Variants in SLC26A4 observed in about 807,000 individuals in gnomAD.
SLC26A4 encodes solute carrier family 26 member 4, also known as pendrin.
In SLC26A4, 93 loss-of-function variants were observed where a neutral mutation model predicts 90.4. The observed-to-expected ratio is 1.03, with a 90% confidence interval of 0.87 to 1.22. The LOEUF (loss-of-function observed/expected upper bound fraction) is 1.22. Ranked by LOEUF, SLC26A4 falls within the 50% of genes most tolerant of loss-of-function variation. SLC26A4 has a pLI of 0.00. For missense variants in SLC26A4, 1,127 were observed against 946.2 expected (o/e 1.19, Z -2.51); for synonymous variants, 393 against 354.6 (o/e 1.11, Z -1.22).
chr7:107,691,547 A>ACATATATATATATATATATTCT (rs1380859339), intron 10 of SLC26A4, among the ~76,000 whole-genome samples: 1 of 78,308 alleles, frequency 1.3e-5, no homozygotes, highest in Middle Eastern at 4.9e-3. Flanking sequence ...ACACACACAA[A>ACATATATATATATATATATTCT]CATATATATA....
chr7:107,668,220 G>T (rs750207228), intron 3 of SLC26A4, among the ~76,000 whole-genome samples: 1 of 152,072 alleles, frequency 6.6e-6, no homozygotes, highest in African/African-American at 2.4e-5. Flanking sequence ...AGAAAAGGAA[G>T]GAAAGAGAGA....
intron 13 of SLC26A4, among the ~76,000 whole-genome samples, chr7:107,697,711 G>C (rs1170747431): frequency 6.6e-6 from 1 of 152,202 alleles, no homozygotes; most frequent in South Asian, 2.1e-4. Flanking sequence ...GGATAATACT[G>C]ATGACCTTTC....
chr7:107,661,572 C>T lies in SLC26A4; in HGVS notation c.-3-67C>T, dbSNP rs2129308653. 3 of 1,484,380 alleles carry T rather than the reference C, an allele frequency of 2.0e-6. No individual in the cohort carries two copies. Among genetic ancestry groups the T allele is most frequent in the East Asian group, 4.9e-5 (2 of 40,700 alleles). The allele number at this position is 1,484,380 out of a possible 1,614,324, so 92.0% of individuals were successfully genotyped here. A position where few individuals can be genotyped will look rare whatever the true frequency, so the allele number is the denominator to read the frequency against. ...AGGTGATCCCGTTCTTTCTGTTCCTCGCTCTTCCCCTCCGATCGTCCTCGC... is the reference window on the plus strand; with the variant it reads ...AGGTGATCCCGTTCTTTCTGTTCCTTGCTCTTCCCCTCCGATCGTCCTCGC... On this transcript the variant is annotated intron_variant, in intron 1 of 20. Transcript: ENST00000644269. The surrounding 1 kb of genome is among the most constrained non-coding windows in gnomAD (Gnocchi z 5.1).
At chr7:107,713,700 C>T (rs1223284861) in intron 20 of SLC26A4, among the ~76,000 whole-genome samples, 1 of 152,118 alleles carries the variant, frequency 6.6e-6, no homozygotes, top group Non-Finnish European at 1.5e-5. Context: ...AAATGTGTTT[C>T]CTTTCATAAT....
chr7:107,708,691 TA>T (rs1792098180), intron 18 of SLC26A4, among the ~76,000 whole-genome samples: 1 of 151,522 alleles, frequency 6.6e-6, no homozygotes, highest in Admixed American at 6.6e-5. Context: ...CCGTCTCTAT[TA>T]TTTTTTTTTT....
intron 13 of SLC26A4, 114 bp downstream of exon 13, chr7:107,696,153 T>C: frequency 1.3e-6 from 1 of 769,950 alleles, no homozygotes; most frequent in Admixed American, 1.7e-5. Flanking sequence ...TTACTGTATA[T>C]TGAGTGCTTC....
chr7:107,692,689 A>G (rs1423210981), intron 10 of SLC26A4, among the ~76,000 whole-genome samples: 1 of 152,150 alleles, frequency 6.6e-6, no homozygotes, highest in Non-Finnish European at 1.5e-5. Context: ...CCTCACCCCC[A>G]TCTGACTTCC....
intron 4 of SLC26A4, among the ~76,000 whole-genome samples, chr7:107,672,750 T>A (rs1790909268): frequency 6.6e-6 from 1 of 152,220 alleles, no homozygotes; most frequent in Non-Finnish European, 1.5e-5. Context: ...ACTGGCAAAA[T>A]CTTACCAAAA....
chr7:107,666,761 C>T (rs2701688), intron 3 of SLC26A4, among the ~76,000 whole-genome samples: 43,807 of 151,904 alleles, frequency 0.29, 6,543 homozygotes, highest in Non-Finnish European at 0.32. Flanking sequence ...ATGAAATAAA[C>T]TGAGGCAGGA....
At chr7:107,715,078 A>AG (rs1421489014) in intron 20 of SLC26A4, among the ~76,000 whole-genome samples, 1 of 149,802 alleles carries the variant, frequency 6.7e-6, no homozygotes, top group East Asian at 2.0e-4. Context: ...AAAAAAAAAA[A>AG]AAAAAAATTA....
chr7:107,693,355 A>G (rs1791632071), intron 10 of SLC26A4: 1 of 985,366 alleles, frequency 1.0e-6, no homozygotes, highest in Non-Finnish European at 1.2e-6. Context: ...TGACCCAACT[A>G]TAATCTAAAT....
intron 16 of SLC26A4, 24 bp from the exon 17 acceptor site, chr7:107,701,803 G>A: frequency 7.2e-7 from 1 of 1,390,256 alleles, no homozygotes; most frequent in South Asian, 1.2e-5. Context: ...TGACAATTAA[G>A]TTGACAGTGT....
At chr7:107,682,689 T>TAC (rs1167382007) in intron 6 of SLC26A4, among the ~76,000 whole-genome samples, 1 of 151,576 alleles carries the variant, frequency 6.6e-6, no homozygotes, top group African/African-American at 2.4e-5. Flanking sequence ...TACACACATA[T>TAC]ACACACACAA....
At chr7:107,672,914 T>C (rs1159109012) in intron 4 of SLC26A4, among the ~76,000 whole-genome samples, 1 of 152,218 alleles carries the variant, frequency 6.6e-6, no homozygotes, top group Non-Finnish European at 1.5e-5. Flanking sequence ...CTAGAGAAAA[T>C]TTTGCTCCTA....
rs546064132 is a variant in SLC26A4, at chr7:107,662,482, G to A, written c.164+677G>A. Among the ~76,000 whole-genome samples, 10 of 149,536 alleles carry A rather than the reference G, an allele frequency of 6.7e-5. No homozygotes were observed. The South Asian group carries it at 2.1e-3, about 31-fold the overall frequency. On this transcript the variant is annotated intron_variant, in intron 2 of 20. Coordinates refer to ENST00000644269, the MANE Select transcript of SLC26A4 (RefSeq NM_000441.2). ...CCCCACCGTTTTTAACCCATCACTCGGCCTCAACTGTGATCAAATCCAAGT... is the reference window on the plus strand; with the variant it reads ...CCCCACCGTTTTTAACCCATCACTCAGCCTCAACTGTGATCAAATCCAAGT...
chr7:107,687,175 TG>T (rs1307885731), intron 8 of SLC26A4, among the ~76,000 whole-genome samples: 4 of 152,190 alleles, frequency 2.6e-5, no homozygotes, highest in African/African-American at 9.7e-5. Context: ...CTCACTCCCT[TG>T]GGCTCTTCAT....
intron 6 of SLC26A4, among the ~76,000 whole-genome samples, chr7:107,679,867 A>ATAT (rs1417251062): frequency 1.8e-5 from 1 of 56,888 alleles, no homozygotes; most frequent in East Asian, 3.9e-4. Flanking sequence ...ATATTATATA[A>ATAT]TCTTATATTA....
Position 107,691,514 on chromosome 7 carries a change from T to TACACAC in SLC26A4, c.1263+1303_1263+1308dup, listed in dbSNP as rs113976786. ...CTAGACTCTGTGTCAAATATATATA[T>TACACAC]ACACACACACACACACACACACACA... On this transcript the variant is annotated intron_variant, in intron 10 of 20. Transcript: ENST00000644269. Among the ~76,000 whole-genome samples, 498 of 131,034 alleles carry TACACAC rather than the reference T, an allele frequency of 3.8e-3. 4 individuals carry two copies. Among genetic ancestry groups the TACACAC allele is most frequent in the African/African-American group, 0.011 (374 of 34,442 alleles). 86.0% of individuals were successfully genotyped at this position (131,034 alleles called of 152,430 possible).
chr7:107,662,018 A>C (rs950477297), intron 2 of SLC26A4: 1 of 599,704 alleles, frequency 1.7e-6, no homozygotes, highest in South Asian at 2.1e-5. Context: ...CCCGAAATGA[A>C]CTTACCTGGG....
Sources: allele counts gnomAD v4.1 joint callset (sites outside exome capture counted in the v4.1 genomes callset), GRCh38; gene constraint gnomAD v4.1.1; non-coding constraint Gnocchi (gnomAD v3.1); transcripts MANE v1.5; gene names NCBI Gene and HGNC (gene_info 2026-07-23, HGNC 2026-07-21).